Variants in SORL1 observed in about 807,000 individuals in gnomAD.
SORL1 encodes sortilin-related receptor.
Under a neutral mutation model 273.7 loss-of-function variants are expected in SORL1, and 127 were observed. The observed-to-expected ratio is 0.46, with a 90% CI of 0.40 to 0.54. The LOEUF is 0.54. SORL1 is among the 20% of genes least tolerant of loss of function. The probability of loss-of-function intolerance (pLI) is 0.00; values close to 1 mark genes in which losing one functional copy is unlikely to be tolerated. For missense variants in SORL1, 2,494 were observed against 2,846.1 expected, an observed-to-expected ratio of 0.88 and a Z score of 2.81; for synonymous variants, 1,031 against 1,067.4, an observed-to-expected ratio of 0.97 and a Z score of 0.66.
chr11:121,588,270 G>A, intron 28 of SORL1, 119 bp downstream of exon 28: 2 of 1,136,046 alleles, frequency 1.8e-6, no homozygotes, highest in South Asian at 1.4e-5. Context: ...GAGTGTCGAG[G>A]GTTTGACCAC....
At chr11:121,478,267 G>A in intron 3 of SORL1, 24 bp downstream of exon 3, 1 of 1,609,740 alleles carries the variant, frequency 6.2e-7, no homozygotes, top group Non-Finnish European at 8.5e-7. Flanking sequence ...CATCCCTCCT[G>A]TCCCGACTTC....
chr11:121,629,291 A>T, intron 47 of SORL1: 1 of 524,724 alleles, frequency 1.9e-6, no homozygotes, highest in Non-Finnish European at 3.4e-6. Flanking sequence ...AAATGTGAGG[A>T]TCCATCGATG....
intron 14 of SORL1, among the ~76,000 whole-genome samples, chr11:121,548,892 C>A (rs1040801464): frequency 6.6e-6 from 1 of 152,082 alleles, no homozygotes; most frequent in Non-Finnish European, 1.5e-5. Context: ...TTGAATAGAG[C>A]AAATAAATGT....
At chr11:121,456,413 G>C (rs1355719518) in intron 1 of SORL1, among the ~76,000 whole-genome samples, 1 of 152,150 alleles carries the variant, frequency 6.6e-6, no homozygotes, top group East Asian at 1.9e-4. Flanking sequence ...CCACACACCT[G>C]GAAGAAGAGA....
chr11:121,559,227 C>T (rs1224050986), intron 20 of SORL1, among the ~76,000 whole-genome samples: 1 of 152,174 alleles, frequency 6.6e-6, no homozygotes, highest in Non-Finnish European at 1.5e-5. Flanking sequence ...CTCTGGAGAG[C>T]AACATGGCTC....
At chr11:121,616,677 G>A (rs574057605) in intron 41 of SORL1, among the ~76,000 whole-genome samples, 1 of 152,316 alleles carries the variant, frequency 6.6e-6, no homozygotes, top group African/African-American at 2.4e-5. Flanking sequence ...CACCCCCTTC[G>A]GGGCTTCCCT....
At chr11:121,546,928 C>T (rs1862434952) in intron 14 of SORL1, 1 of 152,314 alleles carries the variant, frequency 6.6e-6, no homozygotes, top group South Asian at 2.1e-4. Context: ...CCATCAAGCT[C>T]CCAAGAGATG....
chr11:121,514,951 G>C (rs377247244), intron 8 of SORL1, among the ~76,000 whole-genome samples: 31 of 152,144 alleles, frequency 2.0e-4, no homozygotes, highest in Non-Finnish European at 4.0e-4. Context: ...CTGATTTGTC[G>C]TTTGACAACC....
Position 121,514,845 on chromosome 11 carries a change from C to T in SORL1, c.1211+524C>T, listed in dbSNP as rs368812189. Among the ~76,000 whole-genome samples the T allele has an allele frequency of 1.8e-4, 27 of 152,222 alleles. No homozygotes were observed. The East Asian group carries it at 4.6e-3, about 26-fold the overall frequency. ...AGCTGTTTTGTAGTCCAGCAGTGGGCGGTCTCGGAGCACCACACCCATCAA... is the reference window on the plus strand; with the variant it reads ...AGCTGTTTTGTAGTCCAGCAGTGGGTGGTCTCGGAGCACCACACCCATCAA... On this transcript the variant is annotated intron_variant, in intron 8 of 47. Transcript: ENST00000260197.
chr11:121,521,873 GC>G (rs1455133631), intron 9 of SORL1, among the ~76,000 whole-genome samples: 1 of 152,106 alleles, frequency 6.6e-6, no homozygotes, highest in African/African-American at 2.4e-5. Context: ...CAGAACCCTG[GC>G]CACATCTGAG....
intron 14 of SORL1, among the ~76,000 whole-genome samples, chr11:121,548,733 A>AT (rs1862467718): frequency 6.6e-6 from 1 of 151,770 alleles, no homozygotes; most frequent in Admixed American, 6.6e-5. Context: ...TGCCCAACTG[A>AT]TTTTTGTATT....
At chr11:121,617,843 T>A (rs1220735368) in intron 41 of SORL1, among the ~76,000 whole-genome samples, 1 of 152,170 alleles carries the variant, frequency 6.6e-6, no homozygotes, top group Non-Finnish European at 1.5e-5. Flanking sequence ...CAGGGATGCA[T>A]AGAGCAGAGG....
intron 39 of SORL1, 87 bp downstream of exon 39, chr11:121,611,245 A>G: frequency 1.2e-6 from 1 of 822,200 alleles, no homozygotes; most frequent in South Asian, 1.6e-5. Context: ...GACTGGAAAA[A>G]AACAAAAAAC....
intron 21 of SORL1, among the ~76,000 whole-genome samples, chr11:121,561,441 G>A (rs1862672817): frequency 6.6e-6 from 1 of 152,132 alleles, no homozygotes; most frequent in Admixed American, 6.5e-5. Flanking sequence ...TCCCTTTCAT[G>A]CCTCAAAGAG....
At position 121,584,510 on chromosome 11, in the gene SORL1, A is replaced by C. The variant is rs535103988; in HGVS notation, c.3706+927A>C. Among the ~76,000 whole-genome samples the C allele has an allele frequency of 7.1e-5, 10 of 141,070 alleles. No homozygotes were observed. In the East Asian group the frequency reaches 2.6e-3, roughly 36 times the overall value. 92.5% of individuals were successfully genotyped at this position (141,070 alleles called of 152,430 possible). On this transcript the variant is annotated intron_variant, in intron 26 of 47. Transcript: ENST00000260197. ...TTTTACAGGATTAAAACACATTTTC[A>C]TACTTATACCTAATCCTCAAGGAAC...
intron 12 of SORL1, among the ~76,000 whole-genome samples, chr11:121,535,152 G>A (rs1339063153): frequency 2.6e-5 from 4 of 151,796 alleles, no homozygotes; most frequent in Admixed American, 1.3e-4. Context: ...CAATTGCACA[G>A]CTCCAAGGGG....
chr11:121,629,917 C>T lies in SORL1; in HGVS notation c.*354C>T. 4.2e-6 allele frequency: 1 copy of T among 237,892 alleles called. No individual in the cohort carries two copies. The highest frequency in any genetic ancestry group is 8.3e-6 in the Non-Finnish European group (1 of 120,962). 14.7% of individuals were successfully genotyped at this position (237,892 alleles called of 1,614,324 possible). On this transcript the variant is annotated 3_prime_UTR_variant, in exon 48 of 48. Transcript: ENST00000260197. ...GACACAGAAATGTATTTAATAAAAA[C>T]CTCGAGAGAGTGATGGGTGGAACCC...
intron 42 of SORL1, 94 bp downstream of exon 42, chr11:121,618,987 C>A: frequency 7.5e-7 from 1 of 1,336,946 alleles, no homozygotes; most frequent in Non-Finnish European, 1.1e-6. Context: ...CATACCTGGA[C>A]TCCAGGATTG....
intron 6 of SORL1, among the ~76,000 whole-genome samples, chr11:121,503,672 G>C (rs987827530): frequency 2.6e-5 from 4 of 152,078 alleles, no homozygotes; most frequent in African/African-American, 7.2e-5. Flanking sequence ...AAGAGACAGG[G>C]TCTCACTATG....
Sources: allele counts gnomAD v4.1 joint callset (sites outside exome capture counted in the v4.1 genomes callset), GRCh38; gene constraint gnomAD v4.1.1; transcripts MANE v1.5; gene names NCBI Gene and HGNC (gene_info 2026-07-23, HGNC 2026-07-21).